PROM1: variants seen among roughly 807,000 people sequenced by gnomAD.
The protein encoded by PROM1 is prominin-1.
Under a neutral mutation model 116.9 loss-of-function variants are expected in PROM1, and 105 were observed. That is an observed-to-expected ratio of 0.90 (90% CI 0.77 to 1.06). The LOEUF (loss-of-function observed/expected upper bound fraction) is 1.06, where lower values mean the gene tolerates loss of function less well. Ranked by LOEUF, PROM1 falls within the 50% of genes least tolerant of loss-of-function variation. The probability of loss-of-function intolerance (pLI) is 0.00; values close to 1 mark genes in which losing one functional copy is unlikely to be tolerated. For missense variants in PROM1, 1,122 were observed against 1,045.2 expected (o/e 1.07, Z -1.01); for synonymous variants, 393 against 387.0 (o/e 1.02, Z -0.18).
chr4:16,007,709 A>G (rs1366751428), intron 12 of PROM1, among the ~76,000 whole-genome samples: 1 of 152,228 alleles, frequency 6.6e-6, no homozygotes, highest in Non-Finnish European at 1.5e-5. Context: ...AGGGAGATGG[A>G]TGGCAGTCAG....
intron 2 of PROM1, chr4:16,055,390 C>T: frequency 2.2e-6 from 1 of 456,270 alleles, no homozygotes; most frequent in South Asian, 1.5e-5. Flanking sequence ...TACCAGCTCT[C>T]ATTTGGCTGC....
Position 16,054,731 on chromosome 4 carries a change from C to A in PROM1, c.221-15730G>T, listed in dbSNP as rs74349250. The stretch of plus-strand genomic sequence containing the variant: ...ATTATGTCTCCCTTCAAATGAGACC[C>A]CTTCAATCCAGCCAGATCCCCGACC... On this transcript the variant is annotated intron_variant, in intron 2 of 27. Transcript: ENST00000447510. 1.3e-3 allele frequency among the ~76,000 whole-genome samples: 201 copies of A among 152,126 alleles called. 3 individuals are homozygous for A. In the East Asian group the frequency reaches 0.037, roughly 28 times the overall value.
intron 13 of PROM1, among the ~76,000 whole-genome samples, chr4:16,001,280 A>G (rs1352446987): frequency 2.6e-5 from 4 of 152,166 alleles, no homozygotes; most frequent in Non-Finnish European, 5.9e-5. Context: ...CTCTGGAAGG[A>G]AAGAGAAGAT....
intron 2 of PROM1, among the ~76,000 whole-genome samples, chr4:16,039,285 GC>G (rs1418228032): frequency 1.3e-5 from 2 of 152,128 alleles, no homozygotes; most frequent in African/African-American, 4.8e-5. Flanking sequence ...ATATTTACCA[GC>G]AAACCGCATA....
chr4:15,987,786 C>G (rs1158696799), intron 19 of PROM1, 70 bp from the exon 20 acceptor site: 1 of 1,291,600 alleles, frequency 7.7e-7, no homozygotes, highest in South Asian at 1.3e-5. Flanking sequence ...TTGTGTCCTC[C>G]CTTCCCACAA....
intron 2 of PROM1, among the ~76,000 whole-genome samples, chr4:16,065,955 A>C (rs1365444268): frequency 1.3e-5 from 2 of 152,156 alleles, no homozygotes; most frequent in African/African-American, 4.8e-5. Context: ...GTGTCCTTAG[A>C]AAGGAAGAGA....
At chr4:16,067,499 C>T (rs866200735) in intron 2 of PROM1, among the ~76,000 whole-genome samples, 1 of 152,200 alleles carries the variant, frequency 6.6e-6, no homozygotes, top group Non-Finnish European at 1.5e-5. Flanking sequence ...AAAGCGGGCA[C>T]ACAGTGAGTG....
intron 5 of PROM1, among the ~76,000 whole-genome samples, chr4:16,032,621 C>T (rs986564726): frequency 6.6e-6 from 1 of 152,158 alleles, no homozygotes; most frequent in Non-Finnish European, 1.5e-5. Flanking sequence ...CAAGGGAACA[C>T]TGCTGTGGCG....
chr4:15,972,224 GC>G (rs1213074271), intron 26 of PROM1, among the ~76,000 whole-genome samples: 2 of 152,184 alleles, frequency 1.3e-5, no homozygotes. Flanking sequence ...CAGGAAATGA[GC>G]AAAACAAGCC....
At chr4:15,991,595 CTTTT>C (rs745602988) in intron 17 of PROM1, among the ~76,000 whole-genome samples, 2 of 141,310 alleles carry the variant, frequency 1.4e-5, no homozygotes, top group Non-Finnish European at 3.1e-5. Context: ...GTTACGTAAT[CTTTT>C]TTTTTTTTTT....
chr4:15,979,920 A>G lies in PROM1; in HGVS notation c.2490-16T>C, dbSNP rs963141325. The stretch of plus-strand genomic sequence containing the variant: ...AGTTTCAACACTATAAAATACAAAA[A>G]AGGGAGATAAAATTAATTTTTTTAA... On this transcript the variant is annotated splice_polypyrimidine_tract_variant and intron_variant, in intron 24 of 27. Coordinates refer to ENST00000447510, the MANE Select transcript of PROM1 (RefSeq NM_006017.3). The G allele has an allele frequency of 3.0e-6, 4 of 1,346,008 alleles. No individual in the cohort carries two copies. Among genetic ancestry groups the G allele is most frequent in the Non-Finnish European group, 4.0e-6 (4 of 989,560 alleles). The allele number at this position is 1,346,008 out of a possible 1,614,324, so 83.4% of individuals were successfully genotyped here.
chr4:16,031,845 T>A (rs1414126528), intron 5 of PROM1, among the ~76,000 whole-genome samples: 2 of 152,210 alleles, frequency 1.3e-5, no homozygotes. Flanking sequence ...CAAAAGTATG[T>A]CTTTGCTTAA....
At chr4:15,994,935 G>C (rs1721941617) in intron 15 of PROM1, among the ~76,000 whole-genome samples, 1 of 152,192 alleles carries the variant, frequency 6.6e-6, no homozygotes, top group South Asian at 2.1e-4. Context: ...AGGTAAAACT[G>C]GAGGGCTCTG....
At position 15,980,301 on chromosome 4, in the gene PROM1, A is replaced by C. The variant is rs1259014213; in HGVS notation, c.2489+121T>G. The C allele has an allele frequency of 4.6e-6, 3 of 653,934 alleles. No individual in the cohort carries two copies. The East Asian group carries it at 8.7e-5, about 19-fold the overall frequency. The allele number at this position is 653,934 out of a possible 1,614,324, so 40.5% of individuals were successfully genotyped here. A position where few individuals can be genotyped will look rare whatever the true frequency, so the allele number is the denominator to read the frequency against. On this transcript the variant is annotated intron_variant, in intron 24 of 27. Coordinates refer to ENST00000447510, the MANE Select transcript of PROM1 (RefSeq NM_006017.3). The stretch of plus-strand genomic sequence containing the variant: ...CCTGAACAGAAGTGACCCAACTACT[A>C]CTAAAAAAAAAAAAAAAAAGAAATC...
At chr4:16,048,572 C>T (rs373224002) in intron 2 of PROM1, among the ~76,000 whole-genome samples, 3 of 152,176 alleles carry the variant, frequency 2.0e-5, no homozygotes, top group Non-Finnish European at 1.5e-5. Context: ...AGGGAGGTCT[C>T]CCTTTTTTTT....
At chr4:16,002,907 G>A (rs1049189178) in intron 13 of PROM1, among the ~76,000 whole-genome samples, 1 of 152,130 alleles carries the variant, frequency 6.6e-6, no homozygotes, top group Admixed American at 6.5e-5. Context: ...TGGCTAATGT[G>A]TACTGAAAAT....
chr4:15,985,832 G>A lies in PROM1; in HGVS notation c.2212-4C>T. ...TTCTCCCATACTTCTTAGTTTCCTG[G>A]AAAGAAACAAAAGATGAGTAGAAGC... On this transcript the variant is annotated splice_region_variant and splice_polypyrimidine_tract_variant and intron_variant, in intron 21 of 27. Transcript: ENST00000447510. 9.8e-7 allele frequency: 1 copy of A among 1,016,112 alleles called. No individual in the cohort carries two copies. The highest frequency in any genetic ancestry group is 1.2e-6 in the Non-Finnish European group (1 of 824,304). The allele number at this position is 1,016,112 out of a possible 1,614,324, so 62.9% of individuals were successfully genotyped here.
At chr4:16,056,673 G>T (rs909049706) in intron 2 of PROM1, among the ~76,000 whole-genome samples, 2 of 151,724 alleles carry the variant, frequency 1.3e-5, no homozygotes, top group Admixed American at 1.3e-4. Flanking sequence ...ATCGAAAGAA[G>T]AAAAAAAAGA....
intron 2 of PROM1, 76 bp from the exon 3 acceptor site, chr4:16,039,077 T>G: frequency 8.3e-7 from 1 of 1,209,014 alleles, no homozygotes; most frequent in Non-Finnish European, 1.1e-6. Context: ...AAAAGATCTT[T>G]ATATGCTTAA....
Sources: gnomAD v4.1 joint callset for allele counts (sites outside exome capture counted in the v4.1 genomes callset) on GRCh38, gnomAD v4.1.1 for gene constraint, MANE v1.5 for transcripts, NCBI Gene and HGNC (gene_info 2026-07-23, HGNC 2026-07-21) for gene names.